GDAP2: variants seen among roughly 807,000 people sequenced by gnomAD.
GDAP2 encodes ganglioside induced differentiation associated protein 2, also known as ganglioside-induced differentiation-associated protein 2.
GDAP2 carries 51 observed loss-of-function variants against 67.0 expected under a neutral mutation model. That is an observed-to-expected ratio of 0.76 (90% CI 0.61 to 0.96). The LOEUF is 0.96. Among genes scored for constraint, GDAP2 ranks in the 40% least tolerant of loss-of-function variants. The pLI is 0.00. For synonymous variants in GDAP2, 203 were observed against 207.3 expected, an observed-to-expected ratio of 0.98 and a Z score of 0.18; for missense variants, 547 against 588.3, an observed-to-expected ratio of 0.93 and a Z score of 0.73.
intron 13 of GDAP2, 193 bp downstream of exon 13, chr1:117,877,816 T>C (rs1242328565): frequency 1.6e-6 from 2 of 1,258,880 alleles, no homozygotes; most frequent in African/African-American, 1.5e-5. Flanking sequence ...CTGGAGAAAA[T>C]GCCTCTCTTG....
At position 117,867,810 on chromosome 1, in the gene GDAP2, TA is replaced by T. The variant is rs1648128957; in HGVS notation, c.*2758del. On this transcript the variant is annotated 3_prime_UTR_variant, in exon 14 of 14. Transcript: ENST00000369443. ...TATGTACCATTTGCCCTCACGAGTC[TA>T]ATAAAGGCTGAACCTTTTTTAAGAG... 6.6e-6 allele frequency: 1 copy of T among 152,190 alleles called. No individual in the cohort carries two copies. The highest frequency in any genetic ancestry group is 1.5e-5 in the Non-Finnish European group (1 of 68,038). The allele number at this position is 152,190 out of a possible 1,614,324, so 9.4% of individuals were successfully genotyped here. A position where few individuals can be genotyped will look rare whatever the true frequency, so the allele number is the denominator to read the frequency against.
intron 6 of GDAP2, among the ~76,000 whole-genome samples, chr1:117,903,884 A>C (rs1190831458): frequency 3.3e-5 from 5 of 152,214 alleles, no homozygotes; most frequent in African/African-American, 1.2e-4. Context: ...AATGATGATC[A>C]TAAGATTTAC....
chr1:117,871,037 A>G (rs1000262659), intron 13 of GDAP2, among the ~76,000 whole-genome samples: 6 of 152,200 alleles, frequency 3.9e-5, no homozygotes, highest in Non-Finnish European at 8.8e-5. Flanking sequence ...ATCTATTTAA[A>G]TCTAACATCC....
intron 13 of GDAP2, among the ~76,000 whole-genome samples, chr1:117,874,699 T>C (rs1428770830): frequency 2.0e-5 from 3 of 152,232 alleles, no homozygotes; most frequent in Non-Finnish European, 4.4e-5. Flanking sequence ...CAGAAAGACT[T>C]AGGGAAAGTT....
At chr1:117,928,487 C>T (rs1422682335) in intron 1 of GDAP2, among the ~76,000 whole-genome samples, 1 of 152,200 alleles carries the variant, frequency 6.6e-6, no homozygotes, top group Non-Finnish European at 1.5e-5. Flanking sequence ...TGCTCCCTTT[C>T]CCACCAAGCT....
Position 117,865,335 on chromosome 1 carries a change from T to G in GDAP2, c.*5234A>C, listed in dbSNP as rs1368559717. The G allele has an allele frequency of 1.3e-5, 2 of 152,204 alleles. No individual in the cohort carries two copies. The highest frequency in any genetic ancestry group is 4.8e-5 in the African/African-American group (2 of 41,454). The allele number at this position is 152,204 out of a possible 1,614,324, so 9.4% of individuals were successfully genotyped here. Reference sequence around the variant, plus strand: ...GCTATATTTGTATAGAGTGAGACCCTCTTTAAAAGGGATCTAACTTCTAAT... The same window carrying G: ...GCTATATTTGTATAGAGTGAGACCCGCTTTAAAAGGGATCTAACTTCTAAT... On this transcript the variant is annotated 3_prime_UTR_variant, in exon 14 of 14. Coordinates refer to ENST00000369443, the MANE Select transcript of GDAP2 (RefSeq NM_017686.4).
intron 6 of GDAP2, 138 bp downstream of exon 6, chr1:117,906,368 G>T (rs1022257248): frequency 1.2e-5 from 7 of 571,676 alleles, no homozygotes; most frequent in Admixed American, 2.9e-5. Context: ...ATGAATGATT[G>T]TAAGACCCAC....
In GDAP2 at chr1:117,875,342, T is replaced by C. The variant is rs976129363; in HGVS notation, c.1446+2667A>G. ...CTGCTCAGGCAACAGCTCTGGAGGGTGCAAGCTATAAGCTTTGGTGGCTTC... is the reference window on the plus strand; with the variant it reads ...CTGCTCAGGCAACAGCTCTGGAGGGCGCAAGCTATAAGCTTTGGTGGCTTC... On this transcript the variant is annotated intron_variant, in intron 13 of 13. Transcript: ENST00000369443. Among the ~76,000 whole-genome samples, 4 of 152,180 alleles carry C rather than the reference T, an allele frequency of 2.6e-5. No individual in the cohort carries two copies. In the East Asian group the frequency reaches 7.7e-4, roughly 29 times the overall value.
At chr1:117,905,528 CTAAAGT>C (rs1237232333) in intron 6 of GDAP2, among the ~76,000 whole-genome samples, 1 of 152,174 alleles carries the variant, frequency 6.6e-6, no homozygotes, top group African/African-American at 2.4e-5. Context: ...CCGTGCCAGG[CTAAAGT>C]TATGTCCTAT....
intron 13 of GDAP2, among the ~76,000 whole-genome samples, chr1:117,872,034 A>G (rs1337854725): frequency 1.3e-5 from 2 of 152,204 alleles, no homozygotes; most frequent in African/African-American, 4.8e-5. Context: ...AAAGGATATG[A>G]ACAGACACTT....
intron 8 of GDAP2, chr1:117,896,593 C>A: frequency 2.9e-6 from 1 of 348,256 alleles, no homozygotes; most frequent in Non-Finnish European, 5.2e-6. Flanking sequence ...AGGGTAGGAG[C>A]TCTGAAATCA....
chr1:117,899,072 G>T lies in GDAP2; in HGVS notation c.781C>A (p.Pro261Thr), dbSNP rs1042482316. The part of the protein sequence containing the change: ...PERQIRISEK[P>T]GAPEDNQEEE... ...TAGAACTCACCTTCTGGAGCACCAG[G>T]TTTCTCACTTATTCTAATCTGTCGT... The change falls in exon 7 of 14, where the codon CCT becomes ACT. Residue 261 changes from proline to threonine, a missense_variant. Physicochemically the swap from Pro to Thr is conservative, Grantham distance 38. Coordinates refer to ENST00000369443, the MANE Select transcript of GDAP2 (RefSeq NM_017686.4). 2 of 1,613,420 alleles carry T rather than the reference G, an allele frequency of 1.2e-6. No individual in the cohort carries two copies. Among genetic ancestry groups the T allele is most frequent in the Non-Finnish European group, 1.7e-6 (2 of 1,179,546 alleles).
chr1:117,906,643 A>ATCAAGC, intron 5 of GDAP2, 61 bp from the exon 6 acceptor site: 1 of 878,784 alleles, frequency 1.1e-6, no homozygotes, highest in Non-Finnish European at 1.8e-6. Context: ...ATAAAGAAAA[A>ATCAAGC]TCAAGCTCTT....
At chr1:117,925,888 C>T (rs75636513) in intron 1 of GDAP2, among the ~76,000 whole-genome samples, 3,640 of 152,284 alleles carry the variant, frequency 0.024, 79 homozygotes, top group South Asian at 0.092. Flanking sequence ...TTCCAAGTGA[C>T]GATTTGAGGG....
At chr1:117,911,864 C>A in intron 5 of GDAP2, 130 bp downstream of exon 5, 2 of 568,662 alleles carry the variant, frequency 3.5e-6, no homozygotes, top group Non-Finnish European at 6.5e-6. Flanking sequence ...CAGCCTTAAA[C>A]TTCTGTCCTC....
At position 117,902,420 on chromosome 1, in the gene GDAP2, A is replaced by C. The variant is rs555280984; in HGVS notation, c.637-3204T>G. On this transcript the variant is annotated intron_variant, in intron 6 of 13. Transcript: ENST00000369443. ...ATTTATACCCACACTTTCTTCTAAG[A>C]GTTTTATAACTTTAGCTCTTACATT... Among the ~76,000 whole-genome samples the C allele has an allele frequency of 3.3e-5, 5 of 152,314 alleles. No homozygotes were observed. The South Asian group carries it at 1.0e-3, about 32-fold the overall frequency.
chr1:117,926,732 G>C (rs1181911623), intron 1 of GDAP2, among the ~76,000 whole-genome samples: 1 of 152,152 alleles, frequency 6.6e-6, no homozygotes, highest in African/African-American at 2.4e-5. Context: ...AGAATCACAT[G>C]AAAGATACAG....
At position 117,896,879 on chromosome 1, in the gene GDAP2, G is replaced by A; in HGVS notation, c.907C>T (p.Gln303Ter). 3 of 1,613,180 alleles carry A rather than the reference G, an allele frequency of 1.9e-6. No homozygotes were observed. The highest frequency in any genetic ancestry group is 8.5e-7 in the Non-Finnish European group (1 of 1,179,404). Residue 303 changes from glutamine to a stop codon, truncating the protein, a stop_gained, in exon 8 of 14, where the codon CAG (glutamine) becomes TAG (stop). Transcript: ENST00000369443. LOFTEE classifies it high-confidence loss of function. ...AGAGCTGCCTCTGATAATTGTCCCT[G>A]AAGGATCAGTTTTCTTTGCTTGTCA... ...DIDKQRKLIL[Q>*]GQLSEAALQK...
intron 5 of GDAP2, among the ~76,000 whole-genome samples, chr1:117,911,515 G>T (rs910435303): frequency 6.6e-6 from 1 of 152,094 alleles, no homozygotes; most frequent in Non-Finnish European, 1.5e-5. Context: ...GAGGCTAGCT[G>T]CTCTGAATCT....
Sources: gnomAD v4.1 joint callset for allele counts (sites outside exome capture counted in the v4.1 genomes callset) on GRCh38, gnomAD v4.1.1 for gene constraint, MANE v1.5 for transcripts, NCBI Gene and HGNC (gene_info 2026-07-23, HGNC 2026-07-21) for gene names.